Variants in GBE1 observed in about 807,000 individuals in gnomAD.
GBE1 encodes 1,4-alpha-glucan-branching enzyme.
A neutral mutation model predicts 88.8 loss-of-function variants in GBE1; 70 were observed. That is an observed-to-expected ratio of 0.79 (90% CI 0.65 to 0.96). The LOEUF (loss-of-function observed/expected upper bound fraction) is 0.96. Among genes scored for constraint, GBE1 ranks in the 40% least tolerant of loss-of-function variants. GBE1 has a pLI of 0.00. For synonymous variants in GBE1, 284 were observed against 300.1 expected (o/e 0.95, Z 0.56); for missense variants, 872 against 871.0 (o/e 1.00, Z -0.01).
intron 7 of GBE1, chr3:81,612,337 C>T (rs954087884): frequency 3.8e-5 from 32 of 832,646 alleles, no homozygotes; most frequent in Admixed American, 5.6e-5. Flanking sequence ...TTCCAGATTT[C>T]CATTTGATTT....
chr3:81,635,774 T>C (rs1202263514), intron 7 of GBE1, among the ~76,000 whole-genome samples: 1 of 152,162 alleles, frequency 6.6e-6, no homozygotes, highest in Non-Finnish European at 1.5e-5. Flanking sequence ...TTCACAAGCA[T>C]GCACCAACCA....
chr3:81,509,216 T>A (rs985879344), intron 14 of GBE1, among the ~76,000 whole-genome samples: 7 of 151,884 alleles, frequency 4.6e-5, no homozygotes, highest in Non-Finnish European at 7.4e-5. Flanking sequence ...TATTTAAAAA[T>A]TTTTACATTA....
At chr3:81,596,491 A>G (rs1703958787) in intron 7 of GBE1, among the ~76,000 whole-genome samples, 1 of 151,950 alleles carries the variant, frequency 6.6e-6, no homozygotes, top group Non-Finnish European at 1.5e-5. Context: ...AAAAATAACT[A>G]GTCTTATAAG....
At chr3:81,534,920 T>C (rs535876814) in intron 14 of GBE1, 23 of 319,584 alleles carry the variant, frequency 7.2e-5, no homozygotes, top group Non-Finnish European at 1.3e-4. Context: ...AGTGAAACCT[T>C]CAGGACAGCA....
chr3:81,532,065 T>C (rs559249017), intron 14 of GBE1, among the ~76,000 whole-genome samples: 13 of 151,896 alleles, frequency 8.6e-5, no homozygotes, highest in Non-Finnish European at 1.8e-4. Context: ...CAGATTCTCT[T>C]CTTCCATGTG....
At chr3:81,671,992 T>TA (rs1369016781) in intron 2 of GBE1, among the ~76,000 whole-genome samples, 4 of 151,820 alleles carry the variant, frequency 2.6e-5, no homozygotes, top group Non-Finnish European at 5.9e-5. Context: ...GAAAAATTGA[T>TA]AAAAAATATA....
intron 1 of GBE1, among the ~76,000 whole-genome samples, chr3:81,728,902 C>T (rs1196794867): frequency 6.6e-6 from 1 of 151,546 alleles, no homozygotes; most frequent in Non-Finnish European, 1.5e-5. Flanking sequence ...CCAAATTCAC[C>T]CCCCCTTTTT....
intron 7 of GBE1, among the ~76,000 whole-genome samples, chr3:81,604,625 T>C (rs563871016): frequency 1.3e-5 from 2 of 152,100 alleles, no homozygotes; most frequent in Non-Finnish European, 2.9e-5. Context: ...AAAAGTAATA[T>C]ATAAAGTTAA....
chr3:81,700,960 T>C (rs1031897797), intron 2 of GBE1, among the ~76,000 whole-genome samples: 1 of 152,210 alleles, frequency 6.6e-6, no homozygotes, highest in Non-Finnish European at 1.5e-5. Context: ...ATATGTAGTT[T>C]ACTGCCTTTC....
chr3:81,612,673 A>C, intron 7 of GBE1: 1 of 543,010 alleles, frequency 1.8e-6, no homozygotes, highest in South Asian at 1.5e-5. Context: ...CCTCACATTA[A>C]GTCTATTTCA....
chr3:81,673,634 A>G (rs1413553096), intron 2 of GBE1, among the ~76,000 whole-genome samples: 2 of 151,936 alleles, frequency 1.3e-5, no homozygotes, highest in African/African-American at 2.4e-5. Flanking sequence ...GGTATCAACT[A>G]TTGTTTCAAG....
At chr3:81,741,551 A>G (rs1394788154) in intron 1 of GBE1, among the ~76,000 whole-genome samples, 2 of 152,184 alleles carry the variant, frequency 1.3e-5, no homozygotes, top group East Asian at 3.9e-4. Context: ...TAATGTTATG[A>G]TGAGTATCCC....
chr3:81,639,765 G>T (rs930026426), intron 7 of GBE1, among the ~76,000 whole-genome samples: 1 of 152,094 alleles, frequency 6.6e-6, no homozygotes, highest in Non-Finnish European at 1.5e-5. Context: ...TGGGCTAGGA[G>T]GAGGGGATTT....
At chr3:81,585,623 A>C (rs1235045445) in intron 10 of GBE1, among the ~76,000 whole-genome samples, 3 of 152,204 alleles carry the variant, frequency 2.0e-5, no homozygotes, top group African/African-American at 7.2e-5. Context: ...AGTGTCTGAC[A>C]AATGGTAAGG....
chr3:81,699,410 G>A (rs1705652800), intron 2 of GBE1, among the ~76,000 whole-genome samples: 1 of 152,092 alleles, frequency 6.6e-6, no homozygotes, highest in Non-Finnish European at 1.5e-5. Flanking sequence ...TGGGTCATAC[G>A]TTATTGTTCC....
chr3:81,556,936 CT>C (rs199619100), intron 12 of GBE1, among the ~76,000 whole-genome samples: 1,569 of 152,124 alleles, frequency 0.01, 13 homozygotes, highest in African/African-American at 0.025. Flanking sequence ...TGCTGTGTAA[CT>C]TTTTGTTTAT....
In GBE1 at chr3:81,728,906, C is replaced by G. The variant is rs1011083667; in HGVS notation, c.144-23293G>C. 2.0e-5 allele frequency among the ~76,000 whole-genome samples: 3 copies of G among 151,856 alleles called. No homozygotes were observed. In the South Asian group the frequency reaches 6.2e-4, roughly 32 times the overall value. ...CATCTGCCCCTCCAAATTCACCCCC[C>G]CTTTTTTTTTTGCACACCACTCTCT... On this transcript the variant is annotated intron_variant, in intron 1 of 15. Coordinates refer to ENST00000429644, the MANE Select transcript of GBE1 (RefSeq NM_000158.4).
chr3:81,565,183 A>G (rs550610513), intron 12 of GBE1, among the ~76,000 whole-genome samples: 1 of 152,322 alleles, frequency 6.6e-6, no homozygotes, highest in South Asian at 2.1e-4. Context: ...CAAGCCATTT[A>G]CAACTGCTCA....
intron 2 of GBE1, among the ~76,000 whole-genome samples, chr3:81,681,109 C>A (rs1576197533): frequency 6.6e-6 from 1 of 152,280 alleles, no homozygotes; most frequent in East Asian, 1.9e-4. Flanking sequence ...GAAAGTGAGA[C>A]ATTATTTGCT....
Sources: allele counts gnomAD v4.1 joint callset (sites outside exome capture counted in the v4.1 genomes callset), GRCh38; gene constraint gnomAD v4.1.1; transcripts MANE v1.5; gene names NCBI Gene and HGNC (gene_info 2026-07-23, HGNC 2026-07-21).